ADAM11: variants seen among roughly 807,000 people sequenced by gnomAD.
ADAM11 encodes disintegrin and metalloproteinase domain-containing protein 11.
In ADAM11, 49 loss-of-function variants were observed where a neutral mutation model predicts 119.1. The observed-to-expected ratio is 0.41, with a 90% CI of 0.33 to 0.52. The LOEUF (loss-of-function observed/expected upper bound fraction) is 0.52, where lower values mean the gene tolerates loss of function less well. Among genes scored for constraint, ADAM11 ranks in the 20% least tolerant of loss-of-function variants. ADAM11 has a pLI of 0.20. For synonymous variants in ADAM11, 364 were observed against 408.0 expected (o/e 0.89, Z 1.30); for missense variants, 777 against 1,047.5 (o/e 0.74, Z 3.56).
Position 44,775,302 on chromosome 17 carries a change from G to A in ADAM11, c.1311G>A (p.Lys437=), listed in dbSNP as rs752213989. ...GTGGTGGCAGCTGCCTCTTCAACAA[G>A]CCCCTCAAGGTACCAGCCCCGCGGC... The part of the protein sequence containing the change: ...QEGGGSCLFN[K]PLKLLDPPEC... The change falls in exon 15 of 27, where the codon AAG becomes AAA. Residue 437 remains lysine (K), a synonymous_variant. Coordinates refer to ENST00000200557, the MANE Select transcript of ADAM11 (RefSeq NM_002390.6). This position sits in a 1 kb window ranked among gnomAD's most constrained non-coding sequence, Gnocchi z 7.5. The A allele has an allele frequency of 1.1e-5, 18 of 1,613,698 alleles. No homozygotes were observed. The highest frequency in any genetic ancestry group is 1.4e-5 in the Non-Finnish European group (17 of 1,179,990).
Position 44,780,563 on chromosome 17 carries a change from G to T in ADAM11, c.*809G>T. On this transcript the variant is annotated 3_prime_UTR_variant, in exon 27 of 27. Coordinates refer to ENST00000200557, the MANE Select transcript of ADAM11 (RefSeq NM_002390.6). ...ACATGGATTTTGGCAGGGCGGGGGG[G>T]GTTCTAGAAAATATAGTTCCTATAA... The T allele has an allele frequency of 5.2e-6, 1 of 193,816 alleles. No homozygotes were observed. The highest frequency in any genetic ancestry group is 1.0e-5 in the Non-Finnish European group (1 of 95,442). 12.0% of individuals were successfully genotyped at this position (193,816 alleles called of 1,614,324 possible). A position where few individuals can be genotyped will look rare whatever the true frequency, so the allele number is the denominator to read the frequency against.
rs1299796620 is a variant in ADAM11 at position 44,774,195 on chromosome 17, A to AG, written c.993-98dup. The AG allele has an allele frequency of 9.2e-5, 63 of 688,232 alleles. 1 individual carries two copies. Among genetic ancestry groups the AG allele is most frequent in the Middle Eastern group, 8.4e-4 (2 of 2,376 alleles). 42.6% of individuals were successfully genotyped at this position (688,232 alleles called of 1,614,324 possible). On this transcript the variant is annotated intron_variant, in intron 11 of 26. Transcript: ENST00000200557. Reference sequence around the variant, plus strand: ...TGTAAAGGGCCAGGCTCACCTCCTGAGGAAGGACTCTAGTGTGAGGGGCTC... The same window carrying AG: ...TGTAAAGGGCCAGGCTCACCTCCTGAGGGAAGGACTCTAGTGTGAGGGGCTC...
In ADAM11 at chr17:44,779,227, T is replaced by A; in HGVS notation, c.2282T>A (p.Ile761Asn). ...LGGTGWGFKNIRRGRSGGA is the reference protein window; with the variant it reads ...LGGTGWGFKNNRRGRSGGA ...CCACCATCCTCCCCCTGCAGAAACA[T>A]TCGCCGAGGAAGGTACGACCCGACC... Residue 761 changes from isoleucine (I) to asparagine (N), a missense_variant, in exon 26 of 27, where the codon ATT becomes AAT. Ile to Asn is a moderately radical substitution (Grantham distance 149). Around this residue, in one of 4 missense-constraint regions of ADAM11, gnomAD observed 348 missense variants for 486.7 expected, o/e 0.72. Transcript: ENST00000200557. 6.3e-7 allele frequency: 1 copy of A among 1,585,032 alleles called. No homozygotes were observed. The highest frequency in any genetic ancestry group is 8.6e-7 in the Non-Finnish European group (1 of 1,168,796).
At position 44,769,701 on chromosome 17, in the gene ADAM11, G is replaced by A; in HGVS notation, c.238-17G>A. 1 of 1,597,584 alleles carries A rather than the reference G, an allele frequency of 6.3e-7. No homozygotes were observed. The highest frequency in any genetic ancestry group is 8.6e-7 in the Non-Finnish European group (1 of 1,167,148). On this transcript the variant is annotated splice_polypyrimidine_tract_variant and intron_variant, in intron 2 of 26. Transcript: ENST00000200557. ...GCCTCCCTGGGTTGACTCCCCCTCT[G>A]CCCTCCCCCCACCCAGCCTGTCCAT...
At chr17:44,778,089 G>C (rs760822192) in intron 24 of ADAM11, 23 bp downstream of exon 24, 18 of 1,610,534 alleles carry the variant, frequency 1.1e-5, no homozygotes, top group Non-Finnish European at 1.4e-5. Flanking sequence ...CTGGCCGAGG[G>C]GGGTCTGTCT....
Position 44,781,164 on chromosome 17 carries a change from C to G in ADAM11, c.*1410C>G, listed in dbSNP as rs1384471683. 1 of 152,252 alleles carries G rather than the reference C, an allele frequency of 6.6e-6. No individual in the cohort carries two copies. Among genetic ancestry groups the G allele is most frequent in the East Asian group, 1.9e-4 (1 of 5,188 alleles). 9.4% of individuals were successfully genotyped at this position (152,252 alleles called of 1,614,324 possible). A position where few individuals can be genotyped will look rare whatever the true frequency, so the allele number is the denominator to read the frequency against. On this transcript the variant is annotated 3_prime_UTR_variant, in exon 27 of 27. Transcript: ENST00000200557. ...CCTCACTCGGCAGGGAGTTCTGACA[C>G]CCCAGGGCCCGTGAGCTACCTGCTT...
intron 2 of ADAM11, among the ~76,000 whole-genome samples, chr17:44,765,747 A>C (rs1386171441): frequency 6.6e-6 from 1 of 150,444 alleles, no homozygotes; most frequent in East Asian, 2.0e-4. Flanking sequence ...CAGCCTCTCG[A>C]GTAACTGGGA....
At position 44,777,888 on chromosome 17, in the gene ADAM11, C is replaced by T. The variant is rs763456479; in HGVS notation, c.2070+25C>T. The T allele has an allele frequency of 4.3e-6, 7 of 1,613,400 alleles. No homozygotes were observed. The highest frequency in any genetic ancestry group is 5.1e-6 in the Non-Finnish European group (6 of 1,179,932). Reference sequence around the variant, plus strand: ...GGTGACTGCCTGGAGCCTGGGATGGCGGGAGAAGCTTACAAGAGGGGACAG... The same window carrying T: ...GGTGACTGCCTGGAGCCTGGGATGGTGGGAGAAGCTTACAAGAGGGGACAG... On this transcript the variant is annotated intron_variant, in intron 23 of 26. Coordinates refer to ENST00000200557, the MANE Select transcript of ADAM11 (RefSeq NM_002390.6). This position sits in a 1 kb window ranked among gnomAD's most constrained non-coding sequence, Gnocchi z 5.1.
At position 44,779,204 on chromosome 17, in the gene ADAM11, A is replaced by G. The variant is rs781425935; in HGVS notation, c.2277-18A>G. 6.3e-7 allele frequency: 1 copy of G among 1,588,178 alleles called. No individual in the cohort carries two copies. The highest frequency in any genetic ancestry group is 1.1e-5 in the South Asian group (1 of 88,126). On this transcript the variant is annotated intron_variant, in intron 25 of 26. Transcript: ENST00000200557. ...ATGTCTCCTTTTCCTCTCCCCTTCC[A>G]CCATCCTCCCCCTGCAGAAACATTC...
rs1384425732 is a variant in ADAM11, at chr17:44,772,579, C to T, written c.678+113C>T. ...CATCTATGGCTGGGGCGAAGGAAGGCTCAGATGGATGTGGCTGGGGGCCAG... is the reference window on the plus strand; with the variant it reads ...CATCTATGGCTGGGGCGAAGGAAGGTTCAGATGGATGTGGCTGGGGGCCAG... On this transcript the variant is annotated intron_variant, in intron 8 of 26. Coordinates refer to ENST00000200557, the MANE Select transcript of ADAM11 (RefSeq NM_002390.6). The surrounding 1 kb of genome is among the most constrained non-coding windows in gnomAD (Gnocchi z 4.5). The T allele has an allele frequency of 1.5e-6, 2 of 1,349,788 alleles. No homozygotes were observed. The highest frequency in any genetic ancestry group is 2.5e-5 in the East Asian group (1 of 39,714). 83.6% of individuals were successfully genotyped at this position (1,349,788 alleles called of 1,614,324 possible). A position where few individuals can be genotyped will look rare whatever the true frequency, so the allele number is the denominator to read the frequency against.
intron 2 of ADAM11, among the ~76,000 whole-genome samples, chr17:44,762,287 C>A (rs558348843): frequency 5.3e-5 from 8 of 152,116 alleles, no homozygotes; most frequent in Non-Finnish European, 1.2e-4. Context: ...GGATTTGGGT[C>A]CAGGAGGCAG....
chr17:44,778,940 G>A (rs1201085368), intron 25 of ADAM11, among the ~76,000 whole-genome samples: 1 of 152,176 alleles, frequency 6.6e-6, no homozygotes, highest in Admixed American at 6.5e-5. Flanking sequence ...GTCTAAGTTT[G>A]GGGTCCTTGT....
intron 25 of ADAM11, 79 bp from the exon 26 acceptor site, chr17:44,779,143 G>A: frequency 6.5e-7 from 1 of 1,538,420 alleles, no homozygotes; most frequent in East Asian, 2.6e-5. Flanking sequence ...TCGCATGGCA[G>A]CCAAAGGCCC....
rs8064331 is a variant in ADAM11, at chr17:44,781,582, C to T, written c.*1828C>T. ...GTGTGAATACCTCTGCACATATGGG[C>T]GTATCTGTGTGTGCTCGTGTATATG... On this transcript the variant is annotated 3_prime_UTR_variant, in exon 27 of 27. Coordinates refer to ENST00000200557, the MANE Select transcript of ADAM11 (RefSeq NM_002390.6). 0.27 allele frequency: 41,364 copies of T among 152,294 alleles called. 6,167 individuals carry two copies. The highest frequency in any genetic ancestry group is 0.39 in the African/African-American group (16,161 of 41,516). The allele number at this position is 152,294 out of a possible 1,614,324, so 9.4% of individuals were successfully genotyped here.
At chr17:44,761,750 G>A (rs975621130) in intron 2 of ADAM11, among the ~76,000 whole-genome samples, 1 of 152,050 alleles carries the variant, frequency 6.6e-6, no homozygotes, top group African/African-American at 2.4e-5. Flanking sequence ...GACTTCTATG[G>A]GCCACTCTGC....
Position 44,772,366 on chromosome 17 carries a change from G to A in ADAM11, c.610+33G>A, listed in dbSNP as rs751829072. ...AGGGAAGGGGGGGTGGGGAGGGGCC[G>A]GCTGTGCCCCCCTCACCTGCCCCTC... is the stretch of plus-strand genomic sequence containing the variant. On this transcript the variant is annotated intron_variant, in intron 7 of 26. Transcript: ENST00000200557. The surrounding 1 kb of genome is among the most constrained non-coding windows in gnomAD (Gnocchi z 4.5). The A allele has an allele frequency of 1.4e-5, 22 of 1,580,184 alleles. No homozygotes were observed. Among genetic ancestry groups the A allele is most frequent in the East Asian group, 1.4e-4 (6 of 43,356 alleles).
At chr17:44,765,565 T>C (rs2049437911) in intron 2 of ADAM11, among the ~76,000 whole-genome samples, 1 of 152,070 alleles carries the variant, frequency 6.6e-6, no homozygotes, top group Non-Finnish European at 1.5e-5. Flanking sequence ...TTAAAAGGGC[T>C]TTTATTTAAT....
Position 44,772,420 on chromosome 17 carries a change from C to T in ADAM11, c.632C>T (p.Ala211Val), listed in dbSNP as rs770352225. The stretch of plus-strand genomic sequence containing the variant: ...ACAGGCTGCCTGTTTGCTGTGCCTG[C>T]CCAGTCGGCTCCTCCAAACCGGCCG... ...REPGCLFAVP[A>V]QSAPPNRPRL... Residue 211 changes from alanine to valine, a missense_variant, in exon 8 of 27, where the codon GCC becomes GTC. By Grantham distance (64) the Ala-to-Val change is moderately conservative. This residue lies in a region of ADAM11 where 278 missense variants were observed against 310.1 expected (regional missense o/e 0.90). Transcript: ENST00000200557. This position sits in a 1 kb window ranked among gnomAD's most constrained non-coding sequence, Gnocchi z 4.5. The T allele has an allele frequency of 1.1e-5, 17 of 1,577,970 alleles. No homozygotes were observed. The Admixed American group carries it at 1.1e-4, about 10-fold the overall frequency.
chr17:44,759,410 G>A (rs1304297724), intron 1 of ADAM11, 150 bp downstream of exon 1: 1 of 1,257,922 alleles, frequency 7.9e-7, no homozygotes, highest in Non-Finnish European at 1.0e-6. Context: ...GAGGAGGGAA[G>A]GTGCGTCCAC....
Sources: gnomAD v4.1 joint callset for allele counts (sites outside exome capture counted in the v4.1 genomes callset) on GRCh38, gnomAD v4.1.1 for gene constraint, gnomAD v4.1.1 regional missense constraint, Gnocchi (gnomAD v3.1) non-coding constraint, MANE v1.5 for transcripts, NCBI Gene and HGNC (gene_info 2026-07-23, HGNC 2026-07-21) for gene names.